The following TRAPPC8 variants were observed in gnomAD, a reference collection of about 807,000 sequenced individuals.
The protein encoded by TRAPPC8 is general sporulation gene 1 homolog.
TRAPPC8 carries 54 observed loss-of-function variants against 174.3 expected under a neutral mutation model. The ratio of observed to expected loss-of-function variants is 0.31; its 90% CI spans 0.25 to 0.39. The LOEUF (loss-of-function observed/expected upper bound fraction) is 0.39, where lower values mean the gene tolerates loss of function less well. TRAPPC8 is among the 10% of genes least tolerant of loss of function. The pLI is 1.00. For synonymous variants in TRAPPC8, 630 were observed against 579.9 expected, an observed-to-expected ratio of 1.09 and a Z score of -1.24; for missense variants, 1,531 against 1,699.1, an observed-to-expected ratio of 0.90 and a Z score of 1.74.
intron 19 of TRAPPC8, among the ~76,000 whole-genome samples, chr18:31,862,036 T>C (rs1170844063): frequency 6.6e-6 from 1 of 152,128 alleles, no homozygotes; most frequent in Non-Finnish European, 1.5e-5. Flanking sequence ...CTGATTTATT[T>C]TGACCACACA....
intron 1 of TRAPPC8, among the ~76,000 whole-genome samples, chr18:31,935,294 T>C (rs537050947): frequency 1.2e-4 from 18 of 147,948 alleles, no homozygotes; most frequent in South Asian, 8.5e-4. Context: ...TGAGCCGAGA[T>C]TGCGCCACTG....
At position 31,840,216 on chromosome 18, in the gene TRAPPC8, G is replaced by A. The variant is rs142046365; in HGVS notation, c.3838-759C>T. Among the ~76,000 whole-genome samples the A allele has an allele frequency of 1.9e-4, 29 of 152,140 alleles. No individual in the cohort carries two copies. In the East Asian group the frequency reaches 5.2e-3, roughly 27 times the overall value. On this transcript the variant is annotated intron_variant, in intron 26 of 28. Coordinates refer to ENST00000283351, the MANE Select transcript of TRAPPC8 (RefSeq NM_014939.5). ...TACTAAAACTATACAAATTAGCCAG[G>A]CGTGGTGGTACACACCTGTAATCCT...
At chr18:31,900,185 G>T (rs1002046521) in intron 10 of TRAPPC8, among the ~76,000 whole-genome samples, 1 of 152,132 alleles carries the variant, frequency 6.6e-6, no homozygotes, top group African/African-American at 2.4e-5. Context: ...AGTGAGCCAA[G>T]ATTGCGCCAC....
In TRAPPC8 at chr18:31,851,733, G is replaced by C. The variant is rs79214453; in HGVS notation, c.3561+713C>G. Among the ~76,000 whole-genome samples, 815 of 151,934 alleles carry C rather than the reference G, an allele frequency of 5.4e-3. 5 individuals are homozygous for C. The highest frequency in any genetic ancestry group is 0.019 in the African/African-American group (774 of 41,428). ...GTAATAGCTTTAAAATCACAATGGA[G>C]TCTTATGTATCTACCTTATTATCTG... On this transcript the variant is annotated intron_variant, in intron 24 of 28. Transcript: ENST00000283351.
intron 19 of TRAPPC8, among the ~76,000 whole-genome samples, chr18:31,862,252 G>C (rs1219547351): frequency 7.3e-5 from 11 of 151,662 alleles, no homozygotes; most frequent in Non-Finnish European, 1.5e-4. Flanking sequence ...TATTATTGTG[G>C]GAACTTGCAA....
chr18:31,930,916 T>A (rs73411554), intron 2 of TRAPPC8, among the ~76,000 whole-genome samples: 24,271 of 152,186 alleles, frequency 0.16, 2,170 homozygotes, highest in Middle Eastern at 0.23. Flanking sequence ...TGATTTTACC[T>A]ACCAATCTTG....
chr18:31,895,783 T>C (rs942683487), intron 11 of TRAPPC8: 4 of 152,216 alleles, frequency 2.6e-5, no homozygotes, highest in African/African-American at 9.7e-5. Context: ...AATATCAAAA[T>C]ACTCAAAAGC....
intron 19 of TRAPPC8, among the ~76,000 whole-genome samples, chr18:31,860,434 T>A (rs1208994610): frequency 7.9e-5 from 12 of 152,216 alleles, no homozygotes; most frequent in Admixed American, 7.9e-4. Flanking sequence ...GAGTTCAGTA[T>A]GCTATACACA....
intron 20 of TRAPPC8, among the ~76,000 whole-genome samples, chr18:31,856,807 CTTTTTTT>C (rs79712667): frequency 2.7e-5 from 3 of 109,952 alleles, no homozygotes; most frequent in South Asian, 3.0e-4. Flanking sequence ...ATGCTAAAAT[CTTTTTTT>C]TTTTTTTTTT....
chr18:31,863,250 C>A (rs2034423448), intron 19 of TRAPPC8, among the ~76,000 whole-genome samples: 1 of 152,080 alleles, frequency 6.6e-6, no homozygotes, highest in Non-Finnish European at 1.5e-5. Flanking sequence ...TGTAAGGCAA[C>A]AGGTACTCTC....
intron 25 of TRAPPC8, among the ~76,000 whole-genome samples, chr18:31,848,017 C>T (rs988961625): frequency 1.3e-5 from 2 of 152,062 alleles, no homozygotes; most frequent in Non-Finnish European, 2.9e-5. Flanking sequence ...GTGCATCTTA[C>T]TCTACAACTT....
chr18:31,894,360 G>A (rs1431962452), intron 11 of TRAPPC8, among the ~76,000 whole-genome samples: 1 of 152,072 alleles, frequency 6.6e-6, no homozygotes, highest in Non-Finnish European at 1.5e-5. Flanking sequence ...ACAAAGTGAT[G>A]GTTTTATCCA....
intron 19 of TRAPPC8, among the ~76,000 whole-genome samples, chr18:31,861,743 C>T (rs1211594890): frequency 1.3e-5 from 2 of 151,798 alleles, no homozygotes; most frequent in African/African-American, 4.8e-5. Context: ...TTGAGACCAG[C>T]CTGGGCAACG....
At chr18:31,877,896 C>T (rs1421806959) in intron 12 of TRAPPC8, among the ~76,000 whole-genome samples, 1 of 149,838 alleles carries the variant, frequency 6.7e-6, no homozygotes, top group Non-Finnish European at 1.5e-5. Context: ...GCACTCCAGC[C>T]TGGGTAACAA....
At chr18:31,928,387 T>C (rs2037715248) in intron 2 of TRAPPC8, among the ~76,000 whole-genome samples, 1 of 150,534 alleles carries the variant, frequency 6.6e-6, no homozygotes, top group Admixed American at 6.6e-5. Context: ...TAACCAAGCA[T>C]AGTACACACC....
intron 2 of TRAPPC8, among the ~76,000 whole-genome samples, chr18:31,923,132 T>C (rs952246566): frequency 3.3e-5 from 5 of 152,186 alleles, no homozygotes; most frequent in Non-Finnish European, 7.3e-5. Context: ...ATTCAAAGAC[T>C]ATGCTTGGAT....
chr18:31,858,599 T>C (rs1400673702), intron 19 of TRAPPC8, among the ~76,000 whole-genome samples: 1 of 152,198 alleles, frequency 6.6e-6, no homozygotes, highest in Non-Finnish European at 1.5e-5. Flanking sequence ...ATATTAATGT[T>C]TGGTTACTAG....
At chr18:31,855,934 G>C in intron 20 of TRAPPC8, 127 bp from the exon 21 acceptor site, 2 of 1,030,142 alleles carry the variant, frequency 1.9e-6, no homozygotes, top group Non-Finnish European at 2.7e-6. Context: ...AAAATCCATA[G>C]AATACATTAA....
intron 19 of TRAPPC8, among the ~76,000 whole-genome samples, chr18:31,858,719 T>C (rs942266999): frequency 1.3e-5 from 2 of 152,306 alleles, no homozygotes; most frequent in South Asian, 2.1e-4. Context: ...AGATGAGGGA[T>C]TGTGGACTTG....
Sources: gnomAD v4.1 joint callset for allele counts (sites outside exome capture counted in the v4.1 genomes callset) on GRCh38, gnomAD v4.1.1 for gene constraint, MANE v1.5 for transcripts, NCBI Gene and HGNC (gene_info 2026-07-23, HGNC 2026-07-21) for gene names.